The following CACNA2D3 variants were observed in gnomAD, a reference collection of about 807,000 sequenced individuals.
CACNA2D3 encodes calcium voltage-gated channel auxiliary subunit alpha2delta 3, also known as voltage-dependent calcium channel subunit alpha-2/delta-3.
A neutral mutation model predicts 160.6 loss-of-function variants in CACNA2D3; 60 were observed. The observed-to-expected ratio is 0.37, with a 90% confidence interval of 0.30 to 0.46. The LOEUF (loss-of-function observed/expected upper bound fraction) is 0.46. Among genes scored for constraint, CACNA2D3 ranks in the 20% least tolerant of loss-of-function variants. The probability of loss-of-function intolerance (pLI) is 1.00; values close to 1 mark genes in which losing one functional copy is unlikely to be tolerated. For missense variants in CACNA2D3, 1,205 were observed against 1,365.0 expected (o/e 0.88, Z 1.85); for synonymous variants, 558 against 492.9 (o/e 1.13, Z -1.75).
At chr3:54,464,369 C>T (rs1399096184) in intron 4 of CACNA2D3, among the ~76,000 whole-genome samples, 2 of 152,172 alleles carry the variant, frequency 1.3e-5, no homozygotes, top group Non-Finnish European at 2.9e-5. Flanking sequence ...TGTGCCCTGC[C>T]CCCAGAGGTG....
At chr3:54,142,610 A>T (rs1454390957) in intron 2 of CACNA2D3, among the ~76,000 whole-genome samples, 1 of 152,094 alleles carries the variant, frequency 6.6e-6, no homozygotes, top group Non-Finnish European at 1.5e-5. Context: ...GATGATGATG[A>T]TGATACACTA....
intron 11 of CACNA2D3, among the ~76,000 whole-genome samples, chr3:54,712,437 C>T (rs1042379034): frequency 1.3e-5 from 2 of 152,140 alleles, no homozygotes; most frequent in African/African-American, 4.8e-5. Flanking sequence ...GTAGTTGAAT[C>T]ATGGGGTCAG....
At chr3:54,692,117 G>A (rs560701451) in intron 11 of CACNA2D3, among the ~76,000 whole-genome samples, 2 of 152,134 alleles carry the variant, frequency 1.3e-5, no homozygotes, top group Non-Finnish European at 2.9e-5. Flanking sequence ...GGGACTACAG[G>A]CATGCGCCAC....
chr3:54,705,717 T>C (rs1002517149), intron 11 of CACNA2D3, among the ~76,000 whole-genome samples: 4 of 152,240 alleles, frequency 2.6e-5, no homozygotes, highest in East Asian at 1.9e-4. Flanking sequence ...ATATCTGATA[T>C]AATTATAGCA....
chr3:54,821,046 T>C (rs1290745671), intron 14 of CACNA2D3, among the ~76,000 whole-genome samples: 1 of 152,176 alleles, frequency 6.6e-6, no homozygotes, highest in East Asian at 1.9e-4. Flanking sequence ...GCTATTTATG[T>C]GGATGAACGT....
At chr3:54,493,019 T>G (rs1229563920) in intron 4 of CACNA2D3, among the ~76,000 whole-genome samples, 3 of 150,774 alleles carry the variant, frequency 2.0e-5, no homozygotes, top group Non-Finnish European at 2.9e-5. Context: ...ACATATGAGT[T>G]ATAAATAAAT....
At chr3:54,521,906 A>G (rs1253842304) in intron 5 of CACNA2D3, among the ~76,000 whole-genome samples, 1 of 152,196 alleles carries the variant, frequency 6.6e-6, no homozygotes, top group East Asian at 1.9e-4. Context: ...TCTCATGTCT[A>G]TTGATCTATT....
chr3:54,805,033 G>C (rs370208758), intron 13 of CACNA2D3, among the ~76,000 whole-genome samples: 50 of 152,262 alleles, frequency 3.3e-4, no homozygotes, highest in South Asian at 8.3e-4. Context: ...ACCAGAATCT[G>C]TGGGACACAT....
intron 2 of CACNA2D3, among the ~76,000 whole-genome samples, chr3:54,246,675 G>A (rs759232924): frequency 6.6e-6 from 1 of 150,914 alleles, no homozygotes. Flanking sequence ...AGTGAGCTGA[G>A]ATTGCACTAT....
At chr3:54,359,467 C>T (rs1297088656) in intron 3 of CACNA2D3, among the ~76,000 whole-genome samples, 1 of 152,096 alleles carries the variant, frequency 6.6e-6, no homozygotes, top group Non-Finnish European at 1.5e-5. Context: ...AGCTGGCAGG[C>T]GTCCTAGGCT....
At position 54,773,385 on chromosome 3, in the gene CACNA2D3, A is replaced by G. The variant is rs189641546; in HGVS notation, c.1380+9034A>G. 1.6e-4 allele frequency among the ~76,000 whole-genome samples: 25 copies of G among 152,354 alleles called. No homozygotes were observed. In the East Asian group the frequency reaches 3.5e-3, roughly 21 times the overall value. ...ACTGCTGCATATCAAAGAAGTTCCAATCGTCAAAACAAAGAGACACACGTA... is the reference window on the plus strand; with the variant it reads ...ACTGCTGCATATCAAAGAAGTTCCAGTCGTCAAAACAAAGAGACACACGTA... On this transcript the variant is annotated intron_variant, in intron 13 of 37. Transcript: ENST00000474759.
At position 54,499,949 on chromosome 3, in the gene CACNA2D3, C is replaced by G. The variant is rs140604293; in HGVS notation, c.382-3543C>G. ...CATTTCAACTGTATTCTTACCAGTACTTTGCCTCCTGAGTCTGTCAGTTAC... is the reference window on the plus strand; with the variant it reads ...CATTTCAACTGTATTCTTACCAGTAGTTTGCCTCCTGAGTCTGTCAGTTAC... On this transcript the variant is annotated intron_variant, in intron 4 of 37. Transcript: ENST00000474759. Among the ~76,000 whole-genome samples the G allele has an allele frequency of 3.6e-3, 546 of 152,274 alleles. 6 individuals carry two copies. The highest frequency in any genetic ancestry group is 0.012 in the African/African-American group (515 of 41,574).
intron 3 of CACNA2D3, chr3:54,385,757 C>A (rs1223779491): frequency 5.7e-6 from 2 of 353,946 alleles, no homozygotes; most frequent in Non-Finnish European, 1.1e-5. Flanking sequence ...ATTTTTCACA[C>A]GTGGCCTATT....
chr3:54,167,453 A>G (rs931873248), intron 2 of CACNA2D3, among the ~76,000 whole-genome samples: 1 of 152,028 alleles, frequency 6.6e-6, no homozygotes, highest in Admixed American at 6.6e-5. Context: ...ATTGCCATAC[A>G]CCGCAGAGCC....
chr3:54,692,180 G>A (rs1700584643), intron 11 of CACNA2D3, among the ~76,000 whole-genome samples: 1 of 152,094 alleles, frequency 6.6e-6, no homozygotes, highest in African/African-American at 2.4e-5. Context: ...CACCATGTTG[G>A]CCAGGTTGGT....
intron 2 of CACNA2D3, among the ~76,000 whole-genome samples, chr3:54,152,196 A>G (rs371770335): frequency 6.6e-6 from 1 of 152,204 alleles, no homozygotes; most frequent in East Asian, 1.9e-4. Context: ...TCTGTCTCCC[A>G]CGTAGCCTGG....
Position 54,135,234 on chromosome 3 carries a change from C to T in CACNA2D3, c.204+11640C>T, listed in dbSNP as rs1406869232. Among the ~76,000 whole-genome samples, 5 of 152,102 alleles carry T rather than the reference C, an allele frequency of 3.3e-5. No homozygotes were observed. In the South Asian group the frequency reaches 8.3e-4, roughly 25 times the overall value. ...CCGGGGCTGAATTTCTGAGTCTGTG[C>T]TTTGAAGGCTACTGGGAGCTGCATC... On this transcript the variant is annotated intron_variant, in intron 2 of 37. Transcript: ENST00000474759.
At chr3:54,493,129 G>A (rs910355162) in intron 4 of CACNA2D3, among the ~76,000 whole-genome samples, 2 of 130,502 alleles carry the variant, frequency 1.5e-5, no homozygotes, top group Non-Finnish European at 3.1e-5. Context: ...CCAGGCTGGA[G>A]TACAGTGGCA....
rs61480096 is a variant in CACNA2D3 at position 54,400,784 on chromosome 3, A to C, written c.381+14010A>C. Among the ~76,000 whole-genome samples, 508 of 152,328 alleles carry C rather than the reference A, an allele frequency of 3.3e-3. 21 individuals carry two copies. In the East Asian group the frequency reaches 0.073, roughly 22 times the overall value. On this transcript the variant is annotated intron_variant, in intron 4 of 37. Transcript: ENST00000474759. Reference sequence around the variant, plus strand: ...AAAGCCAGTCTGTAAAGTTTGGAAGAGGTGATTGTTTCACCAGATGTGCAG... The same window carrying C: ...AAAGCCAGTCTGTAAAGTTTGGAAGCGGTGATTGTTTCACCAGATGTGCAG...
Sources: allele counts gnomAD v4.1 joint callset (sites outside exome capture counted in the v4.1 genomes callset), GRCh38; gene constraint gnomAD v4.1.1; transcripts MANE v1.5; gene names NCBI Gene and HGNC (gene_info 2026-07-23, HGNC 2026-07-21).